Variants in KCTD1 observed in about 807,000 individuals in gnomAD.
KCTD1 encodes potassium channel tetramerization domain containing 1.
A neutral mutation model predicts 66.0 loss-of-function variants in KCTD1; 24 were observed. That is an observed-to-expected ratio of 0.36 (90% CI 0.26 to 0.51). The LOEUF (loss-of-function observed/expected upper bound fraction) is 0.51. KCTD1 is among the 20% of genes least tolerant of loss of function. The pLI is 0.95. For synonymous variants in KCTD1, 511 were observed against 517.2 expected, an observed-to-expected ratio of 0.99 and a Z score of 0.16; for missense variants, 943 against 1,205.2, an observed-to-expected ratio of 0.78 and a Z score of 3.22.
intron 3 of KCTD1, among the ~76,000 whole-genome samples, chr18:26,470,121 T>C (rs139904417): frequency 1.1e-3 from 164 of 152,300 alleles, no homozygotes; most frequent in Non-Finnish European, 1.9e-3. Flanking sequence ...TATTTACCCA[T>C]CCATGCGTTC....
chr18:26,619,686 G>A (rs988193129), intron 1 of KCTD1, among the ~76,000 whole-genome samples: 55 of 152,162 alleles, frequency 3.6e-4, no homozygotes, highest in African/African-American at 1.2e-3. Context: ...GACATCTGCC[G>A]GCAGTGCGGG....
rs1987462432 is a variant in KCTD1, at chr18:26,624,736, A to G, written c.-16+4411T>C. Among the ~76,000 whole-genome samples, 3 of 152,364 alleles carry G rather than the reference A, an allele frequency of 2.0e-5. No individual in the cohort carries two copies. The South Asian group carries it at 6.2e-4, about 32-fold the overall frequency. On this transcript the variant is annotated intron_variant, in intron 1 of 4. Transcript: ENST00000317932. The stretch of plus-strand genomic sequence containing the variant: ...CCCTACGAGGAGTGCCCACTGGGGC[A>G]CTGGCTAGTGGAACTGTGAGAAGAG...
chr18:26,460,142 T>G (rs1028591747), intron 3 of KCTD1, among the ~76,000 whole-genome samples: 17 of 152,202 alleles, frequency 1.1e-4, no homozygotes, highest in Non-Finnish European at 2.5e-4. Flanking sequence ...AGATTAGGGC[T>G]GGTCAGGCCT....
chr18:26,458,224 AT>A (rs1980208644), intron 4 of KCTD1: 1 of 152,328 alleles, frequency 6.6e-6, no homozygotes, highest in Non-Finnish European at 1.5e-5. Context: ...TTCCGCTAGC[AT>A]GCTTAGGGAA....
chr18:26,540,650 C>G (rs73944615), intron 1 of KCTD1, among the ~76,000 whole-genome samples: 1 of 152,072 alleles, frequency 6.6e-6, no homozygotes, highest in Non-Finnish European at 1.5e-5. Context: ...TCCACTTCCA[C>G]TCAATGAATA....
chr18:26,607,597 C>A (rs559926640), intron 1 of KCTD1, among the ~76,000 whole-genome samples: 24 of 152,180 alleles, frequency 1.6e-4, no homozygotes, highest in African/African-American at 5.1e-4. Flanking sequence ...AATATGTCAC[C>A]ACTCACCCAA....
At chr18:26,656,711 G>C (rs1244905014) in intron 1 of KCTD1, among the ~76,000 whole-genome samples, 8 of 151,538 alleles carry the variant, frequency 5.3e-5, no homozygotes, top group African/African-American at 1.5e-4. Context: ...TGCGAGAAGG[G>C]GGCGGCGGGG....
In KCTD1 at chr18:26,512,447, T is replaced by TA. The variant is rs34953401; in HGVS notation, c.1810-11198dup. 3.9e-3 allele frequency among the ~76,000 whole-genome samples: 577 copies of TA among 146,536 alleles called. 8 individuals carry two copies. The highest frequency in any genetic ancestry group is 0.039 in the East Asian group (196 of 5,080). ...GCCCATTTGCTTGACGTTTTTGCAT[T>TA]AAAAAAAAAAAATTAAAATGCACAG... is the stretch of plus-strand genomic sequence containing the variant. On this transcript the variant is annotated intron_variant, in intron 1 of 4. Transcript: ENST00000580059.
At chr18:26,471,166 G>A (rs556698440) in intron 3 of KCTD1, among the ~76,000 whole-genome samples, 34 of 152,220 alleles carry the variant, frequency 2.2e-4, no homozygotes, top group African/African-American at 8.2e-4. Context: ...TCTCCTGCCT[G>A]AGTCACTACA....
chr18:26,529,230 C>T (rs1229040082), intron 1 of KCTD1, among the ~76,000 whole-genome samples: 2 of 152,178 alleles, frequency 1.3e-5, no homozygotes, highest in African/African-American at 2.4e-5. Context: ...TGACCTCTCC[C>T]CTTGCTCTGA....
chr18:26,500,680 G>C (rs1982714539), intron 2 of KCTD1, among the ~76,000 whole-genome samples: 1 of 151,956 alleles, frequency 6.6e-6, no homozygotes, highest in Non-Finnish European at 1.5e-5. Context: ...TAGTTCACAA[G>C]TTGATGAACC....
At chr18:26,569,160 CA>C (rs1352444605) in intron 1 of KCTD1, among the ~76,000 whole-genome samples, 1 of 151,890 alleles carries the variant, frequency 6.6e-6, no homozygotes, top group African/African-American at 2.4e-5. Flanking sequence ...AACTTCACAA[CA>C]AAAAAATGAG....
At position 26,465,244 on chromosome 18, in the gene KCTD1, C is replaced by T. The variant is rs540530494; in HGVS notation, c.2134-5319G>A. Among the ~76,000 whole-genome samples, 608 of 152,236 alleles carry T rather than the reference C, an allele frequency of 4.0e-3. 3 individuals carry two copies. Among genetic ancestry groups the T allele is most frequent in the African/African-American group, 0.014 (574 of 41,542 alleles). On this transcript the variant is annotated intron_variant, in intron 3 of 4. Coordinates refer to ENST00000580059, the MANE Select transcript of KCTD1 (RefSeq NM_001142730.3). ...GACTACAGGTGCCCGCCACCATGCC[C>T]GGCTAATTTTTGTATTTTTAGTGGA...
In KCTD1 at chr18:26,487,823, A is replaced by G. The variant is rs1002326319; in HGVS notation, c.1989-11164T>C. Among the ~76,000 whole-genome samples the G allele has an allele frequency of 6.6e-5, 10 of 152,316 alleles. No individual in the cohort carries two copies. The East Asian group carries it at 1.7e-3, about 26-fold the overall frequency. ...GGAATATCTATCAATATTTCTCCCT[A>G]CCCCTCAAAGAACAGAACCAAGCCC... is the stretch of plus-strand genomic sequence containing the variant. On this transcript the variant is annotated intron_variant, in intron 2 of 4. Transcript: ENST00000580059.
chr18:26,654,981 G>GC (rs1230155645), intron 1 of KCTD1, among the ~76,000 whole-genome samples: 1 of 152,166 alleles, frequency 6.6e-6, no homozygotes, highest in East Asian at 1.9e-4. Context: ...TCGGCACACT[G>GC]CCCATTATCC....
chr18:26,655,449 C>T lies in KCTD1; in HGVS notation c.9+1911G>A, dbSNP rs140202189. ...ACCACTCAGGATACACACACACACA[C>T]ACAGACACACACACGCACACATACC... On this transcript the variant is annotated intron_variant, in intron 1 of 4. Transcript: ENST00000580191. Among the ~76,000 whole-genome samples, 33 of 152,076 alleles carry T rather than the reference C, an allele frequency of 2.2e-4. 1 individual carries two copies. The East Asian group carries it at 6.4e-3, about 29-fold the overall frequency.
intron 1 of KCTD1, among the ~76,000 whole-genome samples, chr18:26,590,546 T>C (rs1986577331): frequency 6.6e-6 from 1 of 152,168 alleles, no homozygotes; most frequent in Non-Finnish European, 1.5e-5. Flanking sequence ...TATGGTTGTT[T>C]TGTTTTAGCA....
At chr18:26,635,928 C>T (rs915355451) in intron 1 of KCTD1, among the ~76,000 whole-genome samples, 13 of 152,232 alleles carry the variant, frequency 8.5e-5, no homozygotes, top group African/African-American at 2.9e-4. Context: ...CTTCTAGTCA[C>T]GCCAGGGTAG....
intron 1 of KCTD1, among the ~76,000 whole-genome samples, chr18:26,554,618 AT>A (rs374412834): frequency 1.6e-3 from 237 of 152,196 alleles, no homozygotes; most frequent in African/African-American, 5.6e-3. Flanking sequence ...GGGTATTCCT[AT>A]TTTTTTCTTC....
Sources: gnomAD v4.1 joint callset for allele counts (sites outside exome capture counted in the v4.1 genomes callset) on GRCh38, gnomAD v4.1.1 for gene constraint, MANE v1.5 for transcripts, NCBI Gene and HGNC (gene_info 2026-07-23, HGNC 2026-07-21) for gene names.